Variants in C10orf90 observed in about 807,000 individuals in gnomAD.
C10orf90 encodes the protein chromosome 10 open reading frame 90.
In C10orf90, 56 loss-of-function variants were observed where a neutral mutation model predicts 62.5. The ratio of observed to expected loss-of-function variants is 0.90; its 90% CI spans 0.72 to 1.12. The LOEUF (loss-of-function observed/expected upper bound fraction) is 1.12. Ranked by LOEUF, C10orf90 falls within the 50% of genes most tolerant of loss-of-function variation. The probability of loss-of-function intolerance (pLI) is 0.00; values close to 1 mark genes in which losing one functional copy is unlikely to be tolerated. For missense variants in C10orf90, 970 were observed against 880.4 expected (o/e 1.10, Z -1.29); for synonymous variants, 386 against 340.4 (o/e 1.13, Z -1.47).
At chr10:126,454,438 C>A (rs569961211) in intron 7 of C10orf90, among the ~76,000 whole-genome samples, 1 of 152,016 alleles carries the variant, frequency 6.6e-6, no homozygotes, top group East Asian at 1.9e-4. Flanking sequence ...GAGGTTGTAA[C>A]TTTACTACCT....
intron 4 of C10orf90, among the ~76,000 whole-genome samples, chr10:126,466,057 T>G (rs1424275521): frequency 6.6e-6 from 1 of 152,106 alleles, no homozygotes; most frequent in East Asian, 1.9e-4. Flanking sequence ...CCTCTTTTAT[T>G]TTGGAATGCC....
At chr10:126,655,860 A>G (rs185039212) in intron 1 of C10orf90, among the ~76,000 whole-genome samples, 1 of 151,834 alleles carries the variant, frequency 6.6e-6, no homozygotes, top group East Asian at 1.9e-4. Context: ...AAGAAGAAGA[A>G]CAAAGGCATT....
At chr10:126,505,874 A>G (rs1434209190) in intron 3 of C10orf90, among the ~76,000 whole-genome samples, 1 of 152,180 alleles carries the variant, frequency 6.6e-6, no homozygotes, top group African/African-American at 2.4e-5. Flanking sequence ...GAATCGCTTG[A>G]ACTCAGGAGG....
chr10:126,534,380 G>A (rs1864180227), intron 2 of C10orf90, among the ~76,000 whole-genome samples: 2 of 152,150 alleles, frequency 1.3e-5, no homozygotes, highest in African/African-American at 2.4e-5. Context: ...CTGTTTCTAT[G>A]GTGTCAATGC....
At chr10:126,464,546 C>A in intron 5 of C10orf90, 150 bp downstream of exon 5, 1 of 940,226 alleles carries the variant, frequency 1.1e-6, no homozygotes, top group Non-Finnish European at 1.6e-6. Context: ...TACTTGGCAA[C>A]CATTTGTCCC....
intron 2 of C10orf90, among the ~76,000 whole-genome samples, chr10:126,565,217 T>TTTATATTACATAATATGTAATATAATA (rs1564874218): frequency 0.037 from 633 of 17,296 alleles, 177 homozygotes; most frequent in Middle Eastern, 0.17. Context: ...GTAATATAAT[T>TTTATATTACATAATATGTAATATAATA]TTTATATTAC....
intron 2 of C10orf90, among the ~76,000 whole-genome samples, chr10:126,582,674 T>C (rs7097628): frequency 0.025 from 3,748 of 151,006 alleles, 143 homozygotes; most frequent in African/African-American, 0.087. Context: ...TATGCATCTT[T>C]CCATTTGGGT....
intron 1 of C10orf90, among the ~76,000 whole-genome samples, chr10:126,657,519 C>T (rs759341371): frequency 2.0e-5 from 3 of 152,192 alleles, no homozygotes; most frequent in Non-Finnish European, 4.4e-5. Flanking sequence ...ACCCAATATT[C>T]CATTTGTATG....
intron 2 of C10orf90, among the ~76,000 whole-genome samples, chr10:126,535,575 A>G (rs917519612): frequency 1.3e-5 from 2 of 152,160 alleles, no homozygotes; most frequent in Admixed American, 1.3e-4. Flanking sequence ...GCACACCAAC[A>G]TGGCACATGG....
chr10:126,487,481 A>T (rs2133823453), intron 4 of C10orf90, among the ~76,000 whole-genome samples: 1 of 152,322 alleles, frequency 6.6e-6, no homozygotes, highest in African/African-American at 2.4e-5. Flanking sequence ...AGCCAAAGAC[A>T]CTAGGATATT....
intron 2 of C10orf90, among the ~76,000 whole-genome samples, chr10:126,579,278 T>TC (rs199504382): frequency 4.3e-5 from 3 of 70,496 alleles, no homozygotes; most frequent in South Asian, 4.7e-4. Context: ...TTTCTTTCTT[T>TC]TTTTTTTTTT....
At chr10:126,658,760 T>C (rs780149575) in intron 1 of C10orf90, among the ~76,000 whole-genome samples, 14 of 152,028 alleles carry the variant, frequency 9.2e-5, no homozygotes, top group Non-Finnish European at 1.5e-5. Context: ...TTTCATGGAT[T>C]GATTGATTGA....
rs185374237 is a variant in C10orf90 at position 126,524,976 on chromosome 10, C to G, written c.314-11037G>C. 3.2e-3 allele frequency among the ~76,000 whole-genome samples: 491 copies of G among 152,304 alleles called. 4 individuals carry two copies. Among genetic ancestry groups the G allele is most frequent in the Non-Finnish European group, 5.2e-3 (354 of 68,018 alleles). The stretch of plus-strand genomic sequence containing the variant: ...TAGTGTGGTTTGATTTCAGAGGGGA[C>G]CATTTCTGCCCTTGCAGGTGGGTGG... On this transcript the variant is annotated intron_variant, in intron 2 of 9. Coordinates refer to ENST00000488181, the MANE Select transcript of C10orf90 (RefSeq NM_001350921.2).
chr10:126,431,349 C>A (rs1857557923), intron 7 of C10orf90, among the ~76,000 whole-genome samples: 1 of 152,176 alleles, frequency 6.6e-6, no homozygotes, highest in Non-Finnish European at 1.5e-5. Flanking sequence ...GGAAATCTCC[C>A]AGCTTTCCCT....
At chr10:126,512,270 GAGAGAA>G (rs200093897) in intron 3 of C10orf90, among the ~76,000 whole-genome samples, 55 of 38,482 alleles carry the variant, frequency 1.4e-3, no homozygotes, top group Non-Finnish European at 1.9e-3. Flanking sequence ...GCGAGAGAGA[GAGAGAA>G]AGAGAGACAG....
intron 4 of C10orf90, 80 bp downstream of exon 4, chr10:126,503,877 T>C: frequency 1.3e-6 from 2 of 1,500,466 alleles, no homozygotes. Context: ...GAATAAGTTT[T>C]GTATAAGAAA....
chr10:126,548,720 C>A (rs573752009), intron 2 of C10orf90, among the ~76,000 whole-genome samples: 8 of 150,004 alleles, frequency 5.3e-5, no homozygotes, highest in African/African-American at 2.0e-4. Flanking sequence ...AAACATTCTA[C>A]GGGATTGCAA....
intron 2 of C10orf90, among the ~76,000 whole-genome samples, chr10:126,637,238 A>G (rs1291600423): frequency 6.6e-6 from 1 of 152,160 alleles, no homozygotes; most frequent in African/African-American, 2.4e-5. Context: ...CAGCGTGGTG[A>G]GTAGAAAGCA....
chr10:126,516,606 C>A (rs1863449303), intron 2 of C10orf90, among the ~76,000 whole-genome samples: 1 of 152,320 alleles, frequency 6.6e-6, no homozygotes, highest in Non-Finnish European at 1.5e-5. Context: ...TAAACACTAG[C>A]TTTGGGGAGA....
Sources: allele counts gnomAD v4.1 joint callset (sites outside exome capture counted in the v4.1 genomes callset), GRCh38; gene constraint gnomAD v4.1.1; transcripts MANE v1.5; gene names NCBI Gene and HGNC (gene_info 2026-07-23, HGNC 2026-07-21).